The following FHOD3 variants were observed in gnomAD, a reference collection of about 807,000 sequenced individuals.
FHOD3 encodes the protein FH1/FH2 domain-containing protein 3.
A neutral mutation model predicts 173.0 loss-of-function variants in FHOD3; 90 were observed. The ratio of observed to expected loss-of-function variants is 0.52; its 90% CI spans 0.44 to 0.62. The LOEUF (loss-of-function observed/expected upper bound fraction) is 0.62. Ranked by LOEUF, FHOD3 falls within the 20% of genes least tolerant of loss-of-function variation. The pLI, the probability that FHOD3 is intolerant of heterozygous loss-of-function variation, is 0.00. For synonymous variants in FHOD3, 828 were observed against 823.0 expected (o/e 1.01, Z -0.10); for missense variants, 1,945 against 2,034.7 (o/e 0.96, Z 0.85).
chr18:36,544,722 C>T (rs2057350806), intron 5 of FHOD3: 1 of 152,504 alleles, frequency 6.6e-6, no homozygotes, highest in African/African-American at 2.4e-5. Context: ...GCTTGGCTGC[C>T]AGATGCCGCC....
intron 17 of FHOD3, among the ~76,000 whole-genome samples, chr18:36,698,936 T>C (rs536547185): frequency 6.6e-6 from 1 of 152,290 alleles, no homozygotes; most frequent in South Asian, 2.1e-4. Flanking sequence ...ACCTGAACTC[T>C]TTTATAATGG....
chr18:36,378,759 G>A (rs1220825090), intron 3 of FHOD3, among the ~76,000 whole-genome samples: 1 of 152,116 alleles, frequency 6.6e-6, no homozygotes, highest in East Asian at 1.9e-4. Flanking sequence ...TCAGCTCACT[G>A]CAACCTCCGC....
chr18:36,409,821 G>T (rs546057230), intron 3 of FHOD3, among the ~76,000 whole-genome samples: 1 of 152,170 alleles, frequency 6.6e-6, no homozygotes, highest in Non-Finnish European at 1.5e-5. Flanking sequence ...CTGCCCTGAA[G>T]GTGGCTTTGG....
At chr18:36,621,167 C>T (rs149157404) in intron 9 of FHOD3, among the ~76,000 whole-genome samples, 5 of 152,162 alleles carry the variant, frequency 3.3e-5, no homozygotes, top group East Asian at 1.9e-4. Context: ...TGTCAGATTA[C>T]GTGTTCTAAC....
At chr18:36,545,821 A>G (rs1383552942) in intron 5 of FHOD3, among the ~76,000 whole-genome samples, 1 of 152,244 alleles carries the variant, frequency 6.6e-6, no homozygotes, top group Admixed American at 6.5e-5. Context: ...GGAAATGAGT[A>G]AAAACCTTAC....
intron 18 of FHOD3, chr18:36,710,197 A>G (rs2040093371): frequency 6.6e-6 from 1 of 152,230 alleles, no homozygotes; most frequent in African/African-American, 2.4e-5. Context: ...TGAATAATTC[A>G]TATGATCTGT....
At chr18:36,482,856 CACAGAG>C (rs1194013378) in intron 3 of FHOD3, among the ~76,000 whole-genome samples, 22 of 64,068 alleles carry the variant, frequency 3.4e-4, no homozygotes, top group African/African-American at 1.2e-3. Flanking sequence ...CTCACACACA[CACAGAG>C]AGAGAGAGAG....
At chr18:36,543,564 A>G (rs1163489912) in intron 5 of FHOD3, among the ~76,000 whole-genome samples, 2 of 152,190 alleles carry the variant, frequency 1.3e-5, no homozygotes, top group African/African-American at 4.8e-5. Context: ...GATGAACAAA[A>G]TAGAACATTC....
chr18:36,492,897 A>C (rs1273844166), intron 3 of FHOD3, among the ~76,000 whole-genome samples: 5 of 152,182 alleles, frequency 3.3e-5, no homozygotes, highest in South Asian at 2.1e-4. Flanking sequence ...CTAGGATGTG[A>C]GTGAGTTTCA....
intron 17 of FHOD3, among the ~76,000 whole-genome samples, chr18:36,702,502 T>TA (rs2039645447): frequency 6.6e-6 from 1 of 152,212 alleles, no homozygotes; most frequent in Non-Finnish European, 1.5e-5. Flanking sequence ...TCGTGTTAGT[T>TA]ATTAGCTCTG....
intron 23 of FHOD3, among the ~76,000 whole-genome samples, chr18:36,746,397 T>C (rs1186733051): frequency 1.3e-5 from 2 of 152,196 alleles, no homozygotes; most frequent in African/African-American, 4.8e-5. Flanking sequence ...TAGAGACTGG[T>C]GTATGCTAGT....
intron 1 of FHOD3, among the ~76,000 whole-genome samples, chr18:36,353,350 C>T (rs980069638): frequency 2.6e-5 from 4 of 152,186 alleles, no homozygotes; most frequent in East Asian, 1.9e-4. Flanking sequence ...TAACCAGAAA[C>T]AAGGAACTGT....
chr18:36,587,800 A>G (rs950565194), intron 6 of FHOD3, among the ~76,000 whole-genome samples: 1 of 152,176 alleles, frequency 6.6e-6, no homozygotes, highest in Admixed American at 6.5e-5. Context: ...AGAAAATGCC[A>G]ATTTGTAGCA....
At chr18:36,651,127 C>G (rs2036020639) in intron 11 of FHOD3, among the ~76,000 whole-genome samples, 1 of 152,124 alleles carries the variant, frequency 6.6e-6, no homozygotes, top group Non-Finnish European at 1.5e-5. Flanking sequence ...CTGCTGACTT[C>G]TGCTTAGTGT....
At chr18:36,577,092 CA>C (rs201527092) in intron 6 of FHOD3, among the ~76,000 whole-genome samples, 5,140 of 124,132 alleles carry the variant, frequency 0.041, 245 homozygotes, top group East Asian at 0.24. Flanking sequence ...GACTCTGTCT[CA>C]AAAAAAAAAA....
intron 5 of FHOD3, among the ~76,000 whole-genome samples, chr18:36,523,929 T>C (rs1362851140): frequency 1.3e-5 from 2 of 152,204 alleles, no homozygotes; most frequent in Admixed American, 6.5e-5. Context: ...TCTGGTTACA[T>C]GACATAGACC....
At chr18:36,363,018 A>T (rs2046711119) in intron 2 of FHOD3, among the ~76,000 whole-genome samples, 1 of 152,232 alleles carries the variant, frequency 6.6e-6, no homozygotes, top group African/African-American at 2.4e-5. Context: ...AGACATTCAG[A>T]TGGTAAATAA....
chr18:36,776,339 T>G (rs1386499667), intron 28 of FHOD3, among the ~76,000 whole-genome samples: 1 of 152,098 alleles, frequency 6.6e-6, no homozygotes, highest in African/African-American at 2.4e-5. Flanking sequence ...AGGGTGTACA[T>G]GTACATGATG....
chr18:36,536,642 G>A (rs572160376), intron 5 of FHOD3, among the ~76,000 whole-genome samples: 5 of 152,290 alleles, frequency 3.3e-5, no homozygotes, highest in African/African-American at 9.6e-5. Flanking sequence ...GCTCCCCACT[G>A]AGGCAGAGTG....
Sources: gnomAD v4.1 joint callset for allele counts (sites outside exome capture counted in the v4.1 genomes callset) on GRCh38, gnomAD v4.1.1 for gene constraint, MANE v1.5 for transcripts, NCBI Gene and HGNC (gene_info 2026-07-23, HGNC 2026-07-21) for gene names.